Variants in PDZD8 observed in about 807,000 individuals in gnomAD.
PDZD8 encodes the protein PDZ domain containing 8.
A neutral mutation model predicts 85.8 loss-of-function variants in PDZD8; 14 were observed. The observed-to-expected ratio is 0.16, with a 90% CI of 0.11 to 0.26. PDZD8 has a LOEUF of 0.26. PDZD8 is among the 10% of genes least tolerant of loss of function. PDZD8 has a pLI of 1.00. For synonymous variants in PDZD8, 592 were observed against 568.6 expected (o/e 1.04, Z -0.59); for missense variants, 1,197 against 1,424.3 (o/e 0.84, Z 2.57).
At chr10:117,329,990 AAGGAAGGAAGGG>A (rs1466304113) in intron 2 of PDZD8, among the ~76,000 whole-genome samples, 90 of 69,364 alleles carry the variant, frequency 1.3e-3, no homozygotes, top group Non-Finnish European at 1.8e-3. Flanking sequence ...GGAAGGAAGG[AAGGAAGGAAGGG>A]AGGGAGGGAG....
intron 1 of PDZD8, among the ~76,000 whole-genome samples, chr10:117,342,075 G>T (rs1844623394): frequency 6.6e-6 from 1 of 152,134 alleles, no homozygotes; most frequent in African/African-American, 2.4e-5. Context: ...GGCAAAACCA[G>T]AATTCAAGCT....
At chr10:117,334,571 C>T (rs775070914) in intron 2 of PDZD8, among the ~76,000 whole-genome samples, 5 of 151,884 alleles carry the variant, frequency 3.3e-5, no homozygotes, top group Non-Finnish European at 7.4e-5. Flanking sequence ...CAGATCAAGG[C>T]TTCAATGCAG....
At chr10:117,298,296 T>C (rs1485594017) in intron 3 of PDZD8, among the ~76,000 whole-genome samples, 2 of 152,254 alleles carry the variant, frequency 1.3e-5, no homozygotes, top group African/African-American at 2.4e-5. Context: ...ACAAGAGCAA[T>C]AGTCCTGTCT....
In PDZD8 at chr10:117,318,959, T is replaced by C. The variant is rs1844178402; in HGVS notation, c.1011A>G (p.Gly337=). The change falls in exon 3 of 5, where the codon GGA becomes GGG. Residue 337 remains glycine, a synonymous_variant. Transcript: ENST00000334464. ...GAACATTTGCCTCTCTGTCATAGGA[T>C]CCAAAAATGAGTAACCTGCAGAATA... The part of the protein sequence containing the change: ...LLECSRLLIF[G]SYDREANVHC... 3.1e-6 allele frequency: 5 copies of C among 1,609,448 alleles called. No homozygotes were observed. Among genetic ancestry groups the C allele is most frequent in the Non-Finnish European group, 4.3e-6 (5 of 1,176,456 alleles).
intron 1 of PDZD8, among the ~76,000 whole-genome samples, chr10:117,369,499 C>T (rs943749849): frequency 6.6e-6 from 1 of 152,042 alleles, no homozygotes; most frequent in Admixed American, 6.5e-5. Flanking sequence ...TATGACAGTC[C>T]CTTCAAAAAT....
At chr10:117,357,919 G>A (rs561468818) in intron 1 of PDZD8, among the ~76,000 whole-genome samples, 4 of 151,132 alleles carry the variant, frequency 2.6e-5, no homozygotes, top group East Asian at 2.0e-4. Flanking sequence ...AAATATGAGC[G>A]CTACATACTT....
At chr10:117,361,004 T>C (rs1369870028) in intron 1 of PDZD8, among the ~76,000 whole-genome samples, 2 of 152,156 alleles carry the variant, frequency 1.3e-5, no homozygotes, top group East Asian at 1.9e-4. Flanking sequence ...ATTTTAAACA[T>C]AAGAATATAT....
At chr10:117,333,127 A>AAAAAAAG (rs1564702993) in intron 2 of PDZD8, among the ~76,000 whole-genome samples, 1 of 27,926 alleles carries the variant, frequency 3.6e-5, no homozygotes, top group East Asian at 5.7e-4. Context: ...CAAAAAAAAA[A>AAAAAAAG]AAAAAAAAAA....
chr10:117,301,038 G>C (rs1296683995), intron 3 of PDZD8, among the ~76,000 whole-genome samples: 1 of 152,104 alleles, frequency 6.6e-6, no homozygotes, highest in African/African-American at 2.4e-5. Flanking sequence ...GTCTAGGCTA[G>C]AGTGCAGTGG....
rs928117769 is a variant in PDZD8 at position 117,285,364 on chromosome 10, C to T, written c.1369G>A (p.Val457Met). ...AACTGGCCAAAGTTATCTTGCAGCA[C>T]TGCACCTTGATTACTCTGGCCAACA... Reference protein sequence around the residue: ...RPVGQSNQGAVLQDNFGQLEE... With the variant: ...RPVGQSNQGAMLQDNFGQLEE... The change falls in exon 5 of 5, where the codon GTG becomes ATG. Residue 457 changes from valine to methionine, a missense_variant. This residue lies in a region of PDZD8 where 263 missense variants were observed against 261.9 expected (regional missense o/e 1.00). Coordinates refer to ENST00000334464, the MANE Select transcript of PDZD8 (RefSeq NM_173791.5). The T allele has an allele frequency of 1.2e-6, 2 of 1,614,164 alleles. No homozygotes were observed.
intron 1 of PDZD8, among the ~76,000 whole-genome samples, chr10:117,342,445 G>T (rs1387690752): frequency 7.5e-6 from 1 of 134,082 alleles, no homozygotes; most frequent in Non-Finnish European, 1.7e-5. Flanking sequence ...AAAGTTCTTG[G>T]TTTCACATTT....
intron 1 of PDZD8, among the ~76,000 whole-genome samples, chr10:117,358,006 A>C (rs1024263230): frequency 6.6e-6 from 1 of 152,022 alleles, no homozygotes. Flanking sequence ...GTTAGAGATA[A>C]ACAGGATTGG....
chr10:117,357,353 C>A (rs1844913372), intron 1 of PDZD8, among the ~76,000 whole-genome samples: 1 of 152,064 alleles, frequency 6.6e-6, no homozygotes, highest in Non-Finnish European at 1.5e-5. Flanking sequence ...CAAGATTGCA[C>A]CACTGCACTC....
intron 2 of PDZD8, 126 bp from the exon 3 acceptor site, chr10:117,319,100 A>G: frequency 1.5e-6 from 1 of 666,350 alleles, no homozygotes; most frequent in Non-Finnish European, 2.5e-6. Context: ...GTAACAGAAA[A>G]AAAAATTAAG....
intron 2 of PDZD8, among the ~76,000 whole-genome samples, chr10:117,320,407 A>G (rs999028254): frequency 2.6e-5 from 4 of 152,124 alleles, no homozygotes; most frequent in African/African-American, 9.7e-5. Flanking sequence ...TCTCCCCTGT[A>G]ATCGTAAGTT....
intron 2 of PDZD8, among the ~76,000 whole-genome samples, chr10:117,322,801 A>G (rs186557065): frequency 6.6e-6 from 1 of 152,308 alleles, no homozygotes; most frequent in East Asian, 1.9e-4. Flanking sequence ...GACTACCATG[A>G]GAAGATAAGC....
intron 3 of PDZD8, among the ~76,000 whole-genome samples, chr10:117,318,301 C>T (rs954000041): frequency 1.1e-4 from 17 of 152,298 alleles, no homozygotes; most frequent in African/African-American, 4.1e-4. Context: ...CTATTTTCTT[C>T]ATAGCACCTG....
Position 117,374,253 on chromosome 10 carries a change from G to A in PDZD8, c.872+103C>T. The stretch of plus-strand genomic sequence containing the variant: ...CCAGGGTGGGAAGGCCCCAGAAGCA[G>A]GCGCCAGGACAGAAATGAGCCTTTG... On this transcript the variant is annotated intron_variant, in intron 1 of 4. Transcript: ENST00000334464. The surrounding 1 kb of genome is among the most constrained non-coding windows in gnomAD (Gnocchi z 7.8). 2 of 1,513,396 alleles carry A rather than the reference G, an allele frequency of 1.3e-6. No individual in the cohort carries two copies. Among genetic ancestry groups the A allele is most frequent in the East Asian group, 2.3e-5 (1 of 43,882 alleles). 93.7% of individuals were successfully genotyped at this position (1,513,396 alleles called of 1,614,324 possible).
chr10:117,297,134 A>G (rs1473971943), intron 3 of PDZD8, among the ~76,000 whole-genome samples: 3 of 152,150 alleles, frequency 2.0e-5, no homozygotes, highest in African/African-American at 7.2e-5. Context: ...GATACTTCAC[A>G]AAAGAAGATA....
Sources: allele counts gnomAD v4.1 joint callset (sites outside exome capture counted in the v4.1 genomes callset), GRCh38; gene constraint gnomAD v4.1.1; regional missense constraint gnomAD v4.1.1; non-coding constraint Gnocchi (gnomAD v3.1); transcripts MANE v1.5; gene names NCBI Gene and HGNC (gene_info 2026-07-23, HGNC 2026-07-21).